TUSC3: variants seen among roughly 807,000 people sequenced by gnomAD.
TUSC3 encodes the protein tumor suppressor candidate 3.
TUSC3 carries 45 observed loss-of-function variants against 44.8 expected under a neutral mutation model. The ratio of observed to expected loss-of-function variants is 1.00; its 90% CI spans 0.79 to 1.29. The LOEUF is 1.29. TUSC3 is among the 50% of genes most tolerant of loss of function. The probability of loss-of-function intolerance (pLI) is 0.00; values close to 1 mark genes in which losing one functional copy is unlikely to be tolerated. For synonymous variants in TUSC3, 212 were observed against 152.9 expected (o/e 1.39, Z -2.85); for missense variants, 519 against 437.9 (o/e 1.19, Z -1.65).
intron 1 of TUSC3, among the ~76,000 whole-genome samples, chr8:15,439,499 G>A (rs1279500948): frequency 6.6e-6 from 1 of 152,212 alleles, no homozygotes; most frequent in Non-Finnish European, 1.5e-5. Flanking sequence ...TGAGGCTGAA[G>A]TGAACCGTGG....
chr8:15,632,831 C>G (rs1805875809), intron 2 of TUSC3, among the ~76,000 whole-genome samples: 3 of 152,154 alleles, frequency 2.0e-5, no homozygotes, highest in Non-Finnish European at 4.4e-5. Context: ...TCAGATTGTC[C>G]TAAATTTGAC....
chr8:15,551,621 C>T (rs1476763816), intron 1 of TUSC3, among the ~76,000 whole-genome samples: 2 of 151,632 alleles, frequency 1.3e-5, no homozygotes, highest in African/African-American at 2.4e-5. Context: ...TACTTTTGTT[C>T]ATTGCTGTAG....
chr8:15,527,714 A>G (rs563452821), intron 2 of TUSC3, among the ~76,000 whole-genome samples: 30 of 152,270 alleles, frequency 2.0e-4, no homozygotes, highest in African/African-American at 7.0e-4. Flanking sequence ...CTACAGCTCG[A>G]ATACTTCTGA....
chr8:15,637,777 G>A (rs1392227398), intron 2 of TUSC3, among the ~76,000 whole-genome samples: 4 of 152,116 alleles, frequency 2.6e-5, no homozygotes, highest in Admixed American at 6.5e-5. Context: ...TGCTCATAAC[G>A]TGAAATAGGT....
intron 1 of TUSC3, among the ~76,000 whole-genome samples, chr8:15,615,824 A>C (rs941285106): frequency 6.6e-6 from 1 of 152,210 alleles, no homozygotes; most frequent in East Asian, 1.9e-4. Flanking sequence ...AGTTAAACCC[A>C]TAAGTACTGA....
intron 2 of TUSC3, among the ~76,000 whole-genome samples, chr8:15,523,654 ATATATATATATGTGTGTGTGTGTGTGTG>A (rs1243940810): frequency 1.1e-3 from 30 of 26,132 alleles, no homozygotes; most frequent in Admixed American, 3.5e-3. Flanking sequence ...ATATATATAT[ATATATATATATGTGTGTGTGTGTGTGTG>A]TGTGTGTGTG....
rs1161344776 is a variant in TUSC3, at chr8:15,619,991, G to T, written c.139-3089G>T. ...GCATGAGAATCCCTTGAACCCTGGA[G>T]GTGGAGGTTGCGATTTGCTGAGATT... On this transcript the variant is annotated intron_variant, in intron 1 of 10. Transcript: ENST00000503731. Among the ~76,000 whole-genome samples the T allele has an allele frequency of 2.0e-5, 3 of 152,202 alleles. No individual in the cohort carries two copies. In the East Asian group the frequency reaches 5.8e-4, roughly 29 times the overall value.
intron 6 of TUSC3, among the ~76,000 whole-genome samples, chr8:15,729,123 T>C (rs1480543448): frequency 2.0e-5 from 3 of 152,176 alleles, no homozygotes; most frequent in African/African-American, 7.2e-5. Flanking sequence ...AAATTTGTGA[T>C]CTTCAGAGAG....
At chr8:15,808,295 GTTATT>G in the TUSC3 span, among the ~76,000 whole-genome samples, 1 of 151,948 alleles carries the variant, frequency 6.6e-6, no homozygotes, top group Admixed American at 6.6e-5. Context: ...AATACTAAAT[GTTATT>G]TTAATATATT....
chr8:15,418,563 A>G (rs1249556614), intron 1 of TUSC3, among the ~76,000 whole-genome samples: 1 of 152,236 alleles, frequency 6.6e-6, no homozygotes, highest in East Asian at 1.9e-4. Flanking sequence ...TTTATATCAG[A>G]AAACAAAAGT....
chr8:15,739,993 C>T (rs1043892590), intron 7 of TUSC3, among the ~76,000 whole-genome samples: 2 of 152,228 alleles, frequency 1.3e-5, no homozygotes, highest in African/African-American at 4.8e-5. Context: ...AAACAAAGTT[C>T]TTGCCCTTTT....
chr8:15,533,751 G>A (rs1033454541), intron 2 of TUSC3, among the ~76,000 whole-genome samples: 6 of 152,204 alleles, frequency 3.9e-5, no homozygotes, highest in South Asian at 4.1e-4. Flanking sequence ...GTTTCAGGGC[G>A]AGAGAAGGCT....
At chr8:15,745,896 A>T (rs2129216003) in intron 8 of TUSC3, among the ~76,000 whole-genome samples, 1 of 152,196 alleles carries the variant, frequency 6.6e-6, no homozygotes, top group East Asian at 1.9e-4. Context: ...GTTTTCTTCT[A>T]GGATTTTTAA....
At chr8:15,644,460 C>T (rs1023391024) in intron 2 of TUSC3, among the ~76,000 whole-genome samples, 20 of 152,142 alleles carry the variant, frequency 1.3e-4, no homozygotes, top group African/African-American at 4.8e-4. Flanking sequence ...TTTTAACTTG[C>T]CATTTCAGAT....
At chr8:15,687,152 T>C (rs556487334) in intron 6 of TUSC3, among the ~76,000 whole-genome samples, 36 of 152,334 alleles carry the variant, frequency 2.4e-4, no homozygotes, top group African/African-American at 8.7e-4. Context: ...TTGATGTTAG[T>C]ATTTGGAATT....
chr8:15,565,483 C>T (rs1024634137), intron 1 of TUSC3, among the ~76,000 whole-genome samples: 3 of 152,112 alleles, frequency 2.0e-5, no homozygotes, highest in African/African-American at 4.8e-5. Context: ...CCCACAGCTA[C>T]CTGCTTAGCT....
chr8:15,820,616 C>A, the TUSC3 span, among the ~76,000 whole-genome samples: 2 of 152,162 alleles, frequency 1.3e-5, no homozygotes, highest in African/African-American at 4.8e-5. Flanking sequence ...CGGCAGCCAG[C>A]CTCTGTAATT....
the TUSC3 span, chr8:15,807,012 T>C: frequency 6.9e-7 from 1 of 1,443,970 alleles, no homozygotes; most frequent in African/African-American, 1.4e-5. Context: ...CCAAAGAAGG[T>C]GCTCCTGCAG....
intron 3 of TUSC3, among the ~76,000 whole-genome samples, chr8:15,651,633 A>G (rs901495224): frequency 2.6e-5 from 4 of 152,212 alleles, no homozygotes; most frequent in Admixed American, 6.5e-5. Context: ...ACAGGCCAGG[A>G]AGAGGAGCCT....
Sources: gnomAD v4.1 joint callset for allele counts (sites outside exome capture counted in the v4.1 genomes callset) on GRCh38, gnomAD v4.1.1 for gene constraint, MANE v1.5 for transcripts, NCBI Gene and HGNC (gene_info 2026-07-23, HGNC 2026-07-21) for gene names.